XKR4: variants seen among roughly 807,000 people sequenced by gnomAD.
The protein encoded by XKR4 is XK related 4.
XKR4 carries 12 observed loss-of-function variants against 53.9 expected under a neutral mutation model. That is an observed-to-expected ratio of 0.22 (90% CI 0.14 to 0.36). The LOEUF (loss-of-function observed/expected upper bound fraction) is 0.36. Ranked by LOEUF, XKR4 falls within the 10% of genes least tolerant of loss-of-function variation. The pLI is 1.00. For synonymous variants in XKR4, 354 were observed against 362.4 expected (o/e 0.98, Z 0.26); for missense variants, 799 against 859.5 (o/e 0.93, Z 0.88).
chr8:55,534,363 CTTTTTTTTTTTTTTT>C lies in XKR4; in HGVS notation c.*10150_*10164del, dbSNP rs1160872780. Reference sequence around the variant, plus strand: ...GCTCAAAGATCACGAATCTGATATTCTTTTTTTTTTTTTTTTTTTTTTTTTTTTGAGACAGAGTCT... The same window carrying C: ...GCTCAAAGATCACGAATCTGATATTCTTTTTTTTTTTTTGAGACAGAGTCT... On this transcript the variant is annotated 3_prime_UTR_variant, in exon 3 of 3. Transcript: ENST00000327381. 2 of 47,134 alleles carry C rather than the reference CTTTTTTTTTTTTTTT, an allele frequency of 4.2e-5. No individual in the cohort carries two copies. The allele number at this position is 47,134 out of a possible 1,614,324, so 2.9% of individuals were successfully genotyped here.
intron 1 of XKR4, among the ~76,000 whole-genome samples, chr8:55,195,149 AC>A (rs1817488351): frequency 6.9e-6 from 1 of 144,840 alleles, no homozygotes. Context: ...AATAATTTTC[AC>A]CGACAAGTCC....
At chr8:55,279,975 C>A (rs552249152) in intron 1 of XKR4, among the ~76,000 whole-genome samples, 3 of 152,128 alleles carry the variant, frequency 2.0e-5, no homozygotes, top group Non-Finnish European at 4.4e-5. Context: ...ACATTGTTCT[C>A]GAAGAGATAC....
At chr8:55,516,906 A>C (rs537333475) in intron 2 of XKR4, among the ~76,000 whole-genome samples, 1 of 152,214 alleles carries the variant, frequency 6.6e-6, no homozygotes, top group African/African-American at 2.4e-5. Flanking sequence ...GATTAAAAAA[A>C]ATATGGTACA....
intron 1 of XKR4, among the ~76,000 whole-genome samples, chr8:55,263,212 A>G (rs374787034): frequency 1.6e-4 from 24 of 152,206 alleles, no homozygotes; most frequent in African/African-American, 5.5e-4. Flanking sequence ...AAACCTTTCT[A>G]TGGCACATGG....
chr8:55,312,636 A>T (rs1478723004), intron 1 of XKR4, among the ~76,000 whole-genome samples: 1 of 152,232 alleles, frequency 6.6e-6, no homozygotes, highest in Non-Finnish European at 1.5e-5. Flanking sequence ...GAATGTCGGT[A>T]GAACAATAGT....
At chr8:55,423,385 G>A (rs139304012) in intron 2 of XKR4, among the ~76,000 whole-genome samples, 3,322 of 152,050 alleles carry the variant, frequency 0.022, 44 homozygotes, top group Middle Eastern at 0.034. Flanking sequence ...GTGAGCCACC[G>A]CACCCGCCAG....
At chr8:55,497,377 G>A (rs140817757) in intron 2 of XKR4, among the ~76,000 whole-genome samples, 76 of 152,298 alleles carry the variant, frequency 5.0e-4, no homozygotes, top group African/African-American at 1.8e-3. Context: ...ATAACAGGCA[G>A]CTTATTGATT....
intron 2 of XKR4, among the ~76,000 whole-genome samples, chr8:55,458,356 G>T (rs544548324): frequency 6.6e-6 from 1 of 152,308 alleles, no homozygotes; most frequent in East Asian, 1.9e-4. Context: ...GAGTGCTTCT[G>T]GGCAACCAGC....
At chr8:55,216,285 A>G (rs1471360598) in intron 1 of XKR4, among the ~76,000 whole-genome samples, 1 of 152,244 alleles carries the variant, frequency 6.6e-6, no homozygotes, top group Non-Finnish European at 1.5e-5. Flanking sequence ...AAAAGCAAGT[A>G]TTGCCAAAAC....
intron 2 of XKR4, among the ~76,000 whole-genome samples, chr8:55,358,916 A>C (rs1003694186): frequency 2.6e-5 from 4 of 152,176 alleles, no homozygotes; most frequent in Admixed American, 2.6e-4. Flanking sequence ...GTTTAAGCTG[A>C]GTGCTTTAAT....
intron 2 of XKR4, among the ~76,000 whole-genome samples, chr8:55,486,508 A>T (rs933479545): frequency 6.6e-6 from 1 of 152,264 alleles, no homozygotes; most frequent in Admixed American, 6.5e-5. Flanking sequence ...CTGCACAATT[A>T]TACCTCCAGC....
At chr8:55,360,346 C>T (rs1803882357) in intron 2 of XKR4, among the ~76,000 whole-genome samples, 1 of 152,206 alleles carries the variant, frequency 6.6e-6, no homozygotes, top group Non-Finnish European at 1.5e-5. Flanking sequence ...CTAAATACCC[C>T]TCTGCTGATA....
At chr8:55,436,117 T>C (rs1015179911) in intron 2 of XKR4, among the ~76,000 whole-genome samples, 11 of 152,206 alleles carry the variant, frequency 7.2e-5, no homozygotes, top group African/African-American at 1.7e-4. Context: ...TAATCTTTAA[T>C]GTACAAGCCA....
intron 2 of XKR4, chr8:55,453,153 G>A (rs1028604249): frequency 7.7e-6 from 4 of 521,622 alleles, no homozygotes; most frequent in Admixed American, 6.4e-5. Flanking sequence ...ACTGTGGCAT[G>A]CTCCACACCA....
At chr8:55,389,889 C>A (rs1417295192) in intron 2 of XKR4, among the ~76,000 whole-genome samples, 1 of 152,186 alleles carries the variant, frequency 6.6e-6, no homozygotes, top group African/African-American at 2.4e-5. Flanking sequence ...CTGGAGCCCA[C>A]ACAGCTAATA....
At chr8:55,202,881 A>G (rs6982136) in intron 1 of XKR4, among the ~76,000 whole-genome samples, 90,922 of 152,108 alleles carry the variant, frequency 0.6, 28,330 homozygotes, top group African/African-American at 0.78. Flanking sequence ...GCTCATTGCA[A>G]AGTCTGCAGA....
At position 55,471,719 on chromosome 8, in the gene XKR4, T is replaced by A. The variant is rs563980120; in HGVS notation, c.1007-51562T>A. On this transcript the variant is annotated intron_variant, in intron 2 of 2. Coordinates refer to ENST00000327381, the MANE Select transcript of XKR4 (RefSeq NM_052898.2). ...ATTGGATCATGGGGCAGATCCCTCATGAATGGTTAACACCATCCCCTTGGT... is the reference window on the plus strand; with the variant it reads ...ATTGGATCATGGGGCAGATCCCTCAAGAATGGTTAACACCATCCCCTTGGT... Among the ~76,000 whole-genome samples, 24 of 152,262 alleles carry A rather than the reference T, an allele frequency of 1.6e-4. No individual in the cohort carries two copies. In the South Asian group the frequency reaches 2.1e-3, roughly 13 times the overall value.
chr8:55,239,084 TA>T (rs1372454157), intron 1 of XKR4, among the ~76,000 whole-genome samples: 1 of 152,204 alleles, frequency 6.6e-6, no homozygotes, highest in African/African-American at 2.4e-5. Context: ...TTAACCCATA[TA>T]AAAAACTGTA....
At chr8:55,138,015 T>A (rs1467281774) in intron 1 of XKR4, among the ~76,000 whole-genome samples, 1 of 152,132 alleles carries the variant, frequency 6.6e-6, no homozygotes, top group African/African-American at 2.4e-5. Context: ...GTGGCTGTTT[T>A]TACATGTCTA....
Sources: allele counts gnomAD v4.1 joint callset (sites outside exome capture counted in the v4.1 genomes callset), GRCh38; gene constraint gnomAD v4.1.1; transcripts MANE v1.5; gene names NCBI Gene and HGNC (gene_info 2026-07-23, HGNC 2026-07-21).